FAAP20: variants seen among roughly 807,000 people sequenced by gnomAD.
FAAP20 encodes Fanconi anemia core complex-associated protein 20.
In FAAP20, 12 loss-of-function variants were observed where a neutral mutation model predicts 16.2. The ratio of observed to expected loss-of-function variants is 0.74; its 90% confidence interval spans 0.48 to 1.20. FAAP20 has a LOEUF of 1.20. FAAP20 is among the 50% of genes most tolerant of loss of function. The pLI is 0.00. For missense variants in FAAP20, 288 were observed against 245.8 expected, an observed-to-expected ratio of 1.17 and a Z score of -1.15; for synonymous variants, 141 against 110.7, an observed-to-expected ratio of 1.27 and a Z score of -1.72.
At chr1:2,204,620 C>A (rs1231753835), upstream of FAAP20, among the ~76,000 whole-genome samples, 4 of 152,090 alleles carry the variant, frequency 2.6e-5, no homozygotes, top group Non-Finnish European at 5.9e-5. Context: ...GCCGGAGAAC[C>A]CGCAGGACGT....
chr1:2,194,231 G>C (rs1688605457), intron 1 of FAAP20, 98 bp from the exon 2 acceptor site: 4 of 1,486,958 alleles, frequency 2.7e-6, no homozygotes, highest in South Asian at 2.5e-5. Flanking sequence ...GCGGGGAGAT[G>C]GGGGGTACTA....
downstream of FAAP20, among the ~76,000 whole-genome samples, chr1:2,209,150 C>T (rs781711440): frequency 3.3e-5 from 5 of 152,088 alleles, no homozygotes; most frequent in African/African-American, 4.8e-5. Context: ...CCCTCCCTCG[C>T]GTCCTCTCTT....
downstream of FAAP20, chr1:2,184,730 AC>A (rs1338720060): frequency 3.1e-6 from 5 of 1,589,476 alleles, no homozygotes; most frequent in South Asian, 2.2e-5. Flanking sequence ...TCCCTGGAGC[AC>A]CCCTCGGGCA....
At position 2,189,784 on chromosome 1, in the gene FAAP20, G is replaced by A. The variant is rs372992452; in HGVS notation, c.471-3C>T. On this transcript the variant is annotated splice_region_variant and splice_polypyrimidine_tract_variant and intron_variant, in intron 3 of 3. Transcript: ENST00000378546. ...TGTCAACATCCAGCTGGGTCAGCCTGCAAGGGAGGGGCCACACTCACTCGG... is the reference window on the plus strand; with the variant it reads ...TGTCAACATCCAGCTGGGTCAGCCTACAAGGGAGGGGCCACACTCACTCGG... 17 of 1,610,106 alleles carry A rather than the reference G, an allele frequency of 1.1e-5. No individual in the cohort carries two copies. Among genetic ancestry groups the A allele is most frequent in the Non-Finnish European group, 1.4e-5 (16 of 1,177,316 alleles).
chr1:2,200,183 G>A (rs1216891737), upstream of FAAP20: 1 of 151,230 alleles, frequency 6.6e-6, no homozygotes, highest in Non-Finnish European at 1.5e-5. Context: ...ATCATGTGAG[G>A]TCAGGAGTTC....
At chr1:2,206,077 C>T (rs1336806559) in intron 3 of FAAP20, among the ~76,000 whole-genome samples, 1 of 152,258 alleles carries the variant, frequency 6.6e-6, no homozygotes, top group Non-Finnish European at 1.5e-5. Context: ...CATGGCCACT[C>T]TAGCATGGGA....
chr1:2,186,398 A>G (rs563653929), downstream of FAAP20: 9 of 171,274 alleles, frequency 5.3e-5, no homozygotes, highest in East Asian at 1.7e-3. Context: ...TCAGCACGAC[A>G]TGGTGGATTC....
chr1:2,185,697 C>T (rs1010630531), downstream of FAAP20, among the ~76,000 whole-genome samples: 9 of 152,184 alleles, frequency 5.9e-5, no homozygotes, highest in South Asian at 2.1e-4. Flanking sequence ...GATTCTAAAA[C>T]GTGGCCCACC....
chr1:2,190,388 G>C (rs1043491451), intron 3 of FAAP20: 2 of 450,112 alleles, frequency 4.4e-6, no homozygotes, highest in Admixed American at 4.7e-5. Flanking sequence ...CGGCCAGGCA[G>C]GGGTGGCAGG....
chr1:2,194,023 G>C lies in FAAP20; in HGVS notation c.173C>G (p.Pro58Arg), dbSNP rs1220033832. 6 of 1,612,638 alleles carry C rather than the reference G, an allele frequency of 3.7e-6. No homozygotes were observed. Among genetic ancestry groups the C allele is most frequent in the East Asian group, 4.5e-5 (2 of 44,860 alleles). The change falls in exon 2 of 4, where the codon CCT becomes CGT. Residue 58 changes from proline (P) to arginine (R), a missense_variant. Pro to Arg is a moderately radical substitution (Grantham distance 103). Transcript: ENST00000378546. The part of the protein sequence containing the change: ...SPELILDHEV[P>R]SLPAFPGQEP... ...CTGTCCTGGGAAGGCGGGCAGTGAA[G>C]GCACCTCGTGATCCAGGATCAGCTC...
chr1:2,189,667 G>A lies in FAAP20; in HGVS notation c.*42C>T, dbSNP rs758604089. 3.2e-6 allele frequency: 5 copies of A among 1,544,584 alleles called. No homozygotes were observed. The East Asian group carries it at 6.8e-5, about 21-fold the overall frequency. ...GGCGGGGCTGCTGGCGGGGGAGAGC[G>A]TGTCCGGGCGCCGCACTCTGCGCAG... On this transcript the variant is annotated 3_prime_UTR_variant, in exon 4 of 4. Coordinates refer to ENST00000378546, the MANE Select transcript of FAAP20 (RefSeq NM_182533.4).
At position 2,189,752 on chromosome 1, in the gene FAAP20, A is replaced by G. The variant is rs1687955428; in HGVS notation, c.500T>C (p.Leu167Pro). The G allele has an allele frequency of 1.2e-6, 2 of 1,612,610 alleles. No homozygotes were observed. The highest frequency in any genetic ancestry group is 1.7e-6 in the Non-Finnish European group (2 of 1,179,628). Residue 167 changes from leucine (L) to proline (P), a missense_variant, in exon 4 of 4, where the codon CTG becomes CCG. Physicochemically the swap from Leu to Pro is moderately conservative, Grantham distance 98. Transcript: ENST00000378546. ...RLTQLDVDSH[L>P]AQCLAESTED... ...TGTGCTTTCGGCCAAGCACTGGGCC[A>G]GGTGGCTGTCAACATCCAGCTGGGT...
chr1:2,188,079 A>G (rs1039693418), downstream of FAAP20, among the ~76,000 whole-genome samples: 3 of 152,192 alleles, frequency 2.0e-5, no homozygotes, highest in East Asian at 1.9e-4. Context: ...CATGATTGAA[A>G]GGAAAATACA....
At chr1:2,204,908 AG>A (rs1689183362) in intron 3 of FAAP20, among the ~76,000 whole-genome samples, 1 of 8,812 alleles carries the variant, frequency 1.1e-4, no homozygotes, top group Admixed American at 9.8e-4. Context: ...CCGCCCCTCA[AG>A]CCCCCCTCCC....
downstream of FAAP20, chr1:2,185,117 C>T (rs113534097): frequency 4.5e-6 from 5 of 1,099,412 alleles, no homozygotes; most frequent in African/African-American, 3.1e-5. Flanking sequence ...CGGCCAGGGA[C>T]AGACGCTTGC....
At chr1:2,186,492 A>ACC (rs1553181862), downstream of FAAP20, among the ~76,000 whole-genome samples, 9 of 85,932 alleles carry the variant, frequency 1.0e-4, no homozygotes, top group South Asian at 9.0e-4. Flanking sequence ...GACCCTGGAC[A>ACC]CCCGCCCCCC....
chr1:2,199,132 G>A (rs1227482640), upstream of FAAP20: 7 of 1,184,152 alleles, frequency 5.9e-6, no homozygotes, highest in East Asian at 4.2e-4. This position sits in a 1 kb window ranked among gnomAD's most constrained non-coding sequence, Gnocchi z 4.5. Context: ...CCTGGCCCGG[G>A]AGAGACAGCG....
upstream of FAAP20, chr1:2,198,976 C>T (rs563284884): frequency 3.2e-4 from 406 of 1,287,350 alleles, 1 homozygote; most frequent in Middle Eastern, 3.4e-3. Context: ...AGCAGGTGCT[C>T]GGGCCCACAC....
At chr1:2,210,804 C>T (rs1041016984), downstream of FAAP20, among the ~76,000 whole-genome samples, 11 of 152,222 alleles carry the variant, frequency 7.2e-5, no homozygotes, top group Admixed American at 6.5e-5. Flanking sequence ...CCATCCAGCC[C>T]CAGGTGTCCC....
Sources: allele counts gnomAD v4.1 joint callset (sites outside exome capture counted in the v4.1 genomes callset), GRCh38; gene constraint gnomAD v4.1.1; non-coding constraint Gnocchi (gnomAD v3.1); transcripts MANE v1.5; gene names NCBI Gene and HGNC (gene_info 2026-07-23, HGNC 2026-07-21).